Variants in MARCHF1 observed in about 807,000 individuals in gnomAD.
MARCHF1 encodes the protein E3 ubiquitin-protein ligase MARCHF1.
A neutral mutation model predicts 54.2 loss-of-function variants in MARCHF1; 40 were observed. The observed-to-expected ratio is 0.74, with a 90% CI of 0.57 to 0.96. The LOEUF (loss-of-function observed/expected upper bound fraction) is 0.96. MARCHF1 is among the 40% of genes least tolerant of loss of function. The pLI, the probability that MARCHF1 is intolerant of heterozygous loss-of-function variation, is 0.00. For missense variants in MARCHF1, 586 were observed against 656.5 expected, an observed-to-expected ratio of 0.89 and a Z score of 1.17; for synonymous variants, 236 against 236.3, an observed-to-expected ratio of 1.00 and a Z score of 0.01.
intron 2 of MARCHF1, among the ~76,000 whole-genome samples, chr4:164,028,310 TG>T (rs1348067753): frequency 6.6e-6 from 1 of 152,174 alleles, no homozygotes; most frequent in Non-Finnish European, 1.5e-5. Flanking sequence ...AGCAAAGACA[TG>T]GGATCAACCT....
intron 1 of MARCHF1, among the ~76,000 whole-genome samples, chr4:164,145,528 C>T (rs184459788): frequency 0.19 from 28,519 of 151,380 alleles, 4,239 homozygotes; most frequent in African/African-American, 0.4. Flanking sequence ...ATACACAAAT[C>T]AATAAATGTA....
At chr4:164,208,204 C>T (rs529799974) in intron 1 of MARCHF1, among the ~76,000 whole-genome samples, 12 of 152,260 alleles carry the variant, frequency 7.9e-5, no homozygotes, top group African/African-American at 2.9e-4. Context: ...GGGCCCAGGC[C>T]TGCTAGGTCA....
intron 2 of MARCHF1, among the ~76,000 whole-genome samples, chr4:164,026,776 AG>A (rs1466639399): frequency 6.6e-6 from 1 of 152,124 alleles, no homozygotes; most frequent in Non-Finnish European, 1.5e-5. Flanking sequence ...TTATTTAAAC[AG>A]GAAAAAAAAA....
At chr4:164,223,889 T>C (rs1365418987) in intron 1 of MARCHF1, among the ~76,000 whole-genome samples, 1 of 150,752 alleles carries the variant, frequency 6.6e-6, no homozygotes, top group Non-Finnish European at 1.5e-5. Flanking sequence ...TCTAAAAACC[T>C]ATTTAAATTA....
rs115761848 is a variant in MARCHF1, at chr4:164,039,358, G to A, written c.-247-50649C>T. Reference sequence around the variant, plus strand: ...TTTGACATGCCAATAAAGTTACACAGAAAGAACCTGGGTTGAAATTGCATT... The same window carrying A: ...TTTGACATGCCAATAAAGTTACACAAAAAGAACCTGGGTTGAAATTGCATT... On this transcript the variant is annotated intron_variant, in intron 2 of 9. Coordinates refer to ENST00000514618, the MANE Select transcript of MARCHF1 (RefSeq NM_001394959.1). Among the ~76,000 whole-genome samples the A allele has an allele frequency of 4.6e-3, 699 of 152,240 alleles. 5 individuals carry two copies. Among genetic ancestry groups the A allele is most frequent in the African/African-American group, 0.016 (664 of 41,556 alleles).
intron 2 of MARCHF1, among the ~76,000 whole-genome samples, chr4:164,083,809 T>C (rs1755145552): frequency 6.6e-6 from 1 of 152,058 alleles, no homozygotes; most frequent in South Asian, 2.1e-4. Flanking sequence ...CTAAATTGAC[T>C]CAATAGTAAC....
chr4:164,227,859 G>C (rs1276984156), intron 1 of MARCHF1, among the ~76,000 whole-genome samples: 3 of 152,012 alleles, frequency 2.0e-5, no homozygotes, highest in Non-Finnish European at 4.4e-5. Flanking sequence ...CATACATGGG[G>C]GAAGCACTGT....
At chr4:164,333,336 T>C (rs997972758) in intron 1 of MARCHF1, among the ~76,000 whole-genome samples, 11 of 152,328 alleles carry the variant, frequency 7.2e-5, no homozygotes, top group Admixed American at 7.2e-4. Flanking sequence ...TTTTACAGAT[T>C]AAAAGTCTGT....
At chr4:163,629,376 C>T (rs1347007626) in intron 5 of MARCHF1, among the ~76,000 whole-genome samples, 7 of 152,254 alleles carry the variant, frequency 4.6e-5, no homozygotes, top group African/African-American at 1.7e-4. Flanking sequence ...GAAACCGGAT[C>T]CCTTTTTTAC....
At chr4:163,588,050 G>GA (rs1410391218) in intron 7 of MARCHF1, among the ~76,000 whole-genome samples, 1 of 151,876 alleles carries the variant, frequency 6.6e-6, no homozygotes, top group Non-Finnish European at 1.5e-5. Flanking sequence ...CAGTATGGCA[G>GA]ACTACACCAG....
intron 9 of MARCHF1, among the ~76,000 whole-genome samples, chr4:163,539,390 A>G (rs1387056118): frequency 6.6e-6 from 1 of 152,198 alleles, no homozygotes; most frequent in Non-Finnish European, 1.5e-5. Context: ...GTATCTACCA[A>G]TTTCATATGG....
intron 4 of MARCHF1, among the ~76,000 whole-genome samples, chr4:163,762,800 A>G (rs143815608): frequency 3.6e-4 from 55 of 152,248 alleles, no homozygotes; most frequent in African/African-American, 1.3e-3. Flanking sequence ...CCTGATGGTT[A>G]TTATGAATAT....
chr4:164,081,283 G>A (rs375971713), intron 2 of MARCHF1, among the ~76,000 whole-genome samples: 1 of 137,838 alleles, frequency 7.3e-6, no homozygotes, highest in African/African-American at 2.6e-5. Context: ...AAATGTTCAT[G>A]AGTTCATGAT....
intron 1 of MARCHF1, among the ~76,000 whole-genome samples, chr4:164,159,880 T>C (rs1730184874): frequency 1.3e-5 from 2 of 152,114 alleles, no homozygotes; most frequent in Non-Finnish European, 2.9e-5. Context: ...TGGACCTCAT[T>C]CTTCATCTGT....
intron 1 of MARCHF1, among the ~76,000 whole-genome samples, chr4:164,254,418 C>CTA (rs1465501150): frequency 6.7e-6 from 1 of 148,330 alleles, no homozygotes; most frequent in Non-Finnish European, 1.5e-5. Context: ...TAATAAACTC[C>CTA]TATATATATG....
At chr4:163,844,738 A>T (rs1749437359) in intron 4 of MARCHF1, among the ~76,000 whole-genome samples, 1 of 152,198 alleles carries the variant, frequency 6.6e-6, no homozygotes, top group African/African-American at 2.4e-5. Flanking sequence ...CCATGATAAC[A>T]GACAGCTATG....
At chr4:164,343,389 G>T (rs1290655810) in intron 1 of MARCHF1, among the ~76,000 whole-genome samples, 1 of 151,996 alleles carries the variant, frequency 6.6e-6, no homozygotes, top group Non-Finnish European at 1.5e-5. Flanking sequence ...TTTCTGCAGG[G>T]TAAAAGAAAC....
At chr4:163,611,512 A>G (rs1240891801) in intron 7 of MARCHF1, among the ~76,000 whole-genome samples, 3 of 152,148 alleles carry the variant, frequency 2.0e-5, no homozygotes, top group Admixed American at 6.6e-5. Context: ...GATTAGGTAT[A>G]ATATGAAAAT....
chr4:164,133,824 C>T (rs998594914), intron 1 of MARCHF1, among the ~76,000 whole-genome samples: 4 of 152,176 alleles, frequency 2.6e-5, no homozygotes, highest in Non-Finnish European at 5.9e-5. Flanking sequence ...TGACCTACTG[C>T]ACTTTGCAAA....
Sources: allele counts gnomAD v4.1 joint callset (sites outside exome capture counted in the v4.1 genomes callset), GRCh38; gene constraint gnomAD v4.1.1; transcripts MANE v1.5; gene names NCBI Gene and HGNC (gene_info 2026-07-23, HGNC 2026-07-21).